Variants in HUWE1 observed in about 807,000 individuals in gnomAD.
HUWE1 encodes E3 ubiquitin-protein ligase HUWE1.
HUWE1 carries 18 observed loss-of-function variants against 299.4 expected under a neutral mutation model. That is an observed-to-expected ratio of 0.06 (90% CI 0.04 to 0.09). The LOEUF (loss-of-function observed/expected upper bound fraction) is 0.09, where lower values mean the gene tolerates loss of function less well. Ranked by LOEUF, HUWE1 falls within the 10% of genes least tolerant of loss-of-function variation. The pLI, the probability that HUWE1 is intolerant of heterozygous loss-of-function variation, is 1.00. For missense variants in HUWE1, 1,832 were observed against 3,462.3 expected (o/e 0.53, Z 11.82); for synonymous variants, 1,317 against 1,286.1 (o/e 1.02, Z -0.51).
intron 3 of HUWE1, among the ~76,000 whole-genome samples, chrX:53,667,720 T>C (rs191363048): frequency 1.7e-3 from 186 of 111,898 alleles, no homozygotes; most frequent in Non-Finnish European, 2.9e-3. Context: ...CTTAATGACA[T>C]ATAGAGAAAA....
At chrX:53,611,833 G>C (rs2065491194) in intron 23 of HUWE1, among the ~76,000 whole-genome samples, 1 of 108,044 alleles carries the variant, frequency 9.3e-6, no homozygotes, top group Admixed American at 9.9e-5. Context: ...ACTCCAGCCT[G>C]GGTGATGTAG....
Position 53,533,251 on chromosome X carries a change from C to A in HUWE1, c.*58G>T. 1.4e-6 allele frequency: 1 copy of A among 730,781 alleles called. No homozygotes were observed. Among genetic ancestry groups the A allele is most frequent in the South Asian group, 2.3e-5 (1 of 43,214 alleles). The allele number at this position is 730,781 out of a possible 1,213,427, so 60.2% of individuals were successfully genotyped here. On this transcript the variant is annotated 3_prime_UTR_variant, in exon 84 of 84. Coordinates refer to ENST00000262854, the MANE Select transcript of HUWE1 (RefSeq NM_031407.7). ...TTCTTTCTGGTTCTTTTTTTAACTC[C>A]CCCCTCCCCAGGTCCAACAATGGTA...
intron 23 of HUWE1, among the ~76,000 whole-genome samples, chrX:53,612,922 T>C (rs2065577563): frequency 9.0e-6 from 1 of 111,485 alleles, no homozygotes; most frequent in Admixed American, 9.5e-5. Context: ...ATGTAAGGCA[T>C]CTGGAAAATA....
intron 2 of HUWE1, 99 bp from the exon 3 acceptor site, chrX:53,680,285 GTTA>G (rs781791085): frequency 3.5e-6 from 1 of 284,617 alleles, no homozygotes; most frequent in South Asian, 2.4e-4. Flanking sequence ...AACATAACTA[GTTA>G]TTATTTCTAA....
chrX:53,614,365 CA>C (rs1436226549), intron 23 of HUWE1, among the ~76,000 whole-genome samples, 168 bp downstream of exon 23: 1 of 111,865 alleles, frequency 8.9e-6, no homozygotes, highest in East Asian at 2.8e-4. Context: ...AAATGACACA[CA>C]AGGGTCAAAA....
At chrX:53,593,007 CTG>C (rs1373023448) in intron 32 of HUWE1, among the ~76,000 whole-genome samples, 1 of 112,258 alleles carries the variant, frequency 8.9e-6, no homozygotes, top group Non-Finnish European at 1.9e-5. Context: ...TCCGCCATGA[CTG>C]TGAACTTCCT....
Position 53,607,583 on chromosome X carries a change from G to C in HUWE1, c.2436C>G (p.Pro812=), listed in dbSNP as rs2065217109. The C allele has an allele frequency of 1.7e-6, 2 of 1,209,529 alleles. No individual in the cohort carries two copies. The highest frequency in any genetic ancestry group is 1.7e-5 in the African/African-American group (1 of 57,374). ...AGGCAGCAGATGTGGGAAAGTCAATGGGCAGATTGGGAAGACCCAAAATGG... is the reference window on the plus strand; with the variant it reads ...AGGCAGCAGATGTGGGAAAGTCAATCGGCAGATTGGGAAGACCCAAAATGG... ...LVTILGLPNL[P]IDFPTSAACQ... The change falls in exon 25 of 84, where the codon CCC becomes CCG. Residue 812 remains proline (P), a synonymous_variant. Transcript: ENST00000262854.
Position 53,600,109 on chromosome X carries a change from A to G in HUWE1, c.3163+9T>C, listed in dbSNP as rs144602282. On this transcript the variant is annotated intron_variant, in intron 29 of 83. Transcript: ENST00000262854. The stretch of plus-strand genomic sequence containing the variant: ...GCCAGAAAAGGTAGGAGAAAGGAGA[A>G]TGACTCACCTGATAACAAAGGCTTG... 106 of 1,202,678 alleles carry G rather than the reference A, an allele frequency of 8.8e-5. No individual in the cohort carries two copies. In the African/African-American group the frequency reaches 1.6e-3, roughly 18 times the overall value.
Position 53,539,764 on chromosome X carries a change from G to A in HUWE1, c.11525C>T (p.Pro3842Leu), listed in dbSNP as rs1265457538. 3 of 1,209,751 alleles carry A rather than the reference G, an allele frequency of 2.5e-6. No homozygotes were observed. Among genetic ancestry groups the A allele is most frequent in the African/African-American group, 3.5e-5 (2 of 57,265 alleles). Reference protein sequence around the residue: ...QGEKEKEERPPELPLLSEQLS... With the variant: ...QGEKEKEERPLELPLLSEQLS... ...CTGCTCGCTGAGCAGGGGTAACTCA[G>A]GTGGTCTTTCTTCCTTTTCCTTCTC... The change falls in exon 75 of 84, where the codon CCT becomes CTT. Residue 3842 changes from proline (P) to leucine (L), a missense_variant. Transcript: ENST00000262854.
At chrX:53,614,464 A>T (rs190081725) in intron 23 of HUWE1, 70 bp downstream of exon 23, 7 of 772,684 alleles carry the variant, frequency 9.1e-6, no homozygotes, top group Non-Finnish European at 1.4e-5. Flanking sequence ...GAAAGTGTTC[A>T]TTAAGACTTA....
chrX:53,564,111 C>T (rs151066428), intron 51 of HUWE1, among the ~76,000 whole-genome samples: 213 of 111,992 alleles, frequency 1.9e-3, no homozygotes, highest in African/African-American at 6.4e-3. Context: ...AGCTTAGGAC[C>T]ACAGGCCCAA....
At chrX:53,564,989 C>T in intron 50 of HUWE1, 78 bp downstream of exon 50, 1 of 1,056,793 alleles carries the variant, frequency 9.5e-7, no homozygotes, top group Non-Finnish European at 1.3e-6. Context: ...GAAACACCAC[C>T]AAGCCAGAAC....
Position 53,686,270 on chromosome X carries a change from C to T in HUWE1, c.-163G>A, listed in dbSNP as rs1168243440. 1.8e-5 allele frequency: 2 copies of T among 113,341 alleles called. No homozygotes were observed. The highest frequency in any genetic ancestry group is 3.2e-5 in the African/African-American group (1 of 31,130). 9.3% of individuals were successfully genotyped at this position (113,341 alleles called of 1,213,427 possible). ...ACTTGGCCATGGCTAATGCCGGTAC[C>T]TCGCATCCCCTCTGTCAGCCGCTCT... On this transcript the variant is annotated splice_region_variant and 5_prime_UTR_variant, in exon 2 of 84. Transcript: ENST00000262854.
chrX:53,642,455 CTTAT>C (rs2067663403), intron 7 of HUWE1, among the ~76,000 whole-genome samples: 3 of 112,126 alleles, frequency 2.7e-5, no homozygotes, highest in South Asian at 7.3e-4. Context: ...CCACATTTTA[CTTAT>C]TTGAGTATCT....
At chrX:53,667,527 T>C (rs782590775) in intron 3 of HUWE1, among the ~76,000 whole-genome samples, 1 of 112,329 alleles carries the variant, frequency 8.9e-6, no homozygotes, top group East Asian at 2.8e-4. Context: ...ATGTCTCATG[T>C]AACTTAATAT....
chrX:53,618,047 G>A (rs2065898029), intron 19 of HUWE1, among the ~76,000 whole-genome samples: 1 of 111,953 alleles, frequency 8.9e-6, no homozygotes, highest in Non-Finnish European at 1.9e-5. Context: ...ATTTTAAAAT[G>A]TGCAGTAATA....
intron 13 of HUWE1, 27 bp downstream of exon 13, chrX:53,629,489 G>C: frequency 1.0e-6 from 1 of 980,243 alleles, no homozygotes; most frequent in Middle Eastern, 2.6e-4. Flanking sequence ...TTACAGCTAA[G>C]GGTTACTCAA....
intron 43 of HUWE1, chrX:53,580,007 A>T (rs1263514389): frequency 9.0e-6 from 1 of 111,519 alleles, no homozygotes; most frequent in Non-Finnish European, 1.9e-5. Context: ...CCTACAGAAA[A>T]GTTCGAATAG....
rs782374469 is a variant in HUWE1 at position 53,602,667 on chromosome X, A to G, written c.2877-9T>C. 1.0e-6 allele frequency: 1 copy of G among 1,001,270 alleles called. No homozygotes were observed. The highest frequency in any genetic ancestry group is 2.0e-5 in the South Asian group (1 of 50,979). The allele number at this position is 1,001,270 out of a possible 1,213,427, so 82.5% of individuals were successfully genotyped here. A position where few individuals can be genotyped will look rare whatever the true frequency, so the allele number is the denominator to read the frequency against. ...CACACCCAGATGGTAGGCTGCAAAA[A>G]GAGAAATGCTGAGCAAAAGAAATAT... is the stretch of plus-strand genomic sequence containing the variant. On this transcript the variant is annotated splice_polypyrimidine_tract_variant and intron_variant, in intron 27 of 83. Transcript: ENST00000262854.
Sources: gnomAD v4.1 joint callset for allele counts (sites outside exome capture counted in the v4.1 genomes callset) on GRCh38, gnomAD v4.1.1 for gene constraint, MANE v1.5 for transcripts, NCBI Gene and HGNC (gene_info 2026-07-23, HGNC 2026-07-21) for gene names.